Variants in NUP58 observed in about 807,000 individuals in gnomAD.
The protein encoded by NUP58 is nucleoporin 58.
Under a neutral mutation model 70.1 loss-of-function variants are expected in NUP58, and 17 were observed. The ratio of observed to expected loss-of-function variants is 0.24; its 90% CI spans 0.17 to 0.36. The LOEUF (loss-of-function observed/expected upper bound fraction) is 0.36, where lower values mean the gene tolerates loss of function less well. Among genes scored for constraint, NUP58 ranks in the 10% least tolerant of loss-of-function variants. The pLI is 1.00. For missense variants in NUP58, 644 were observed against 701.5 expected, an observed-to-expected ratio of 0.92 and a Z score of 0.93; for synonymous variants, 275 against 257.6, an observed-to-expected ratio of 1.07 and a Z score of -0.65.
Position 25,320,563 on chromosome 13 carries a change from T to C in NUP58, c.744T>C (p.Pro248=), listed in dbSNP as rs149094964. The change falls in exon 8 of 16, where the codon CCT becomes CCC. Residue 248 remains proline (P), a synonymous_variant. Coordinates refer to ENST00000381736, the MANE Select transcript of NUP58 (RefSeq NM_014089.4). ...DSKALKDENL[P]PVICQDVENL... ...AAGCTCTGAAGGATGAAAATCTACCTCCTGTCATCTGCCAGGATGTTGAAA... is the reference window on the plus strand; with the variant it reads ...AAGCTCTGAAGGATGAAAATCTACCCCCTGTCATCTGCCAGGATGTTGAAA... 134 of 1,610,680 alleles carry C rather than the reference T, an allele frequency of 8.3e-5. 1 individual carries two copies. Among genetic ancestry groups the C allele is most frequent in the Middle Eastern group, 8.3e-4 (5 of 6,054 alleles).
chr13:25,318,599 A>G (rs1223751743), intron 6 of NUP58, among the ~76,000 whole-genome samples: 1 of 152,226 alleles, frequency 6.6e-6, no homozygotes, highest in African/African-American at 2.4e-5. Flanking sequence ...TGTGCAAATC[A>G]CAAGTAAGCA....
chr13:25,341,560 T>C lies in NUP58; in HGVS notation c.*1426T>C, dbSNP rs2031955658. 2 of 152,742 alleles carry C rather than the reference T, an allele frequency of 1.3e-5. No individual in the cohort carries two copies. The highest frequency in any genetic ancestry group is 4.1e-4 in the South Asian group (2 of 4,828). The allele number at this position is 152,742 out of a possible 1,614,324, so 9.5% of individuals were successfully genotyped here. A position where few individuals can be genotyped will look rare whatever the true frequency, so the allele number is the denominator to read the frequency against. ...ATATTTTAAAAAAGAAAAATATTCT[T>C]TGTAGCAACTGTAAATTCTCCCATT... On this transcript the variant is annotated 3_prime_UTR_variant, in exon 16 of 16. Coordinates refer to ENST00000381736, the MANE Select transcript of NUP58 (RefSeq NM_014089.4).
At chr13:25,316,615 C>T (rs1320542648) in intron 6 of NUP58, among the ~76,000 whole-genome samples, 2 of 152,078 alleles carry the variant, frequency 1.3e-5, no homozygotes, top group Admixed American at 6.6e-5. Flanking sequence ...ACTTAGTTTT[C>T]TCTGTAGCAA....
Position 25,321,146 on chromosome 13 carries a change from C to T in NUP58, c.951+53C>T, listed in dbSNP as rs950908956. The T allele has an allele frequency of 2.7e-6, 4 of 1,456,212 alleles. No homozygotes were observed. The African/African-American group carries it at 5.8e-5, about 21-fold the overall frequency. The allele number at this position is 1,456,212 out of a possible 1,614,324, so 90.2% of individuals were successfully genotyped here. A position where few individuals can be genotyped will look rare whatever the true frequency, so the allele number is the denominator to read the frequency against. On this transcript the variant is annotated intron_variant, in intron 9 of 15. Coordinates refer to ENST00000381736, the MANE Select transcript of NUP58 (RefSeq NM_014089.4). ...TAGGGTTTTTTTGTTTTGTTTTTTC[C>T]AAAATGGAAATAAGGTGTTTTGTTT...
intron 1 of NUP58, among the ~76,000 whole-genome samples, chr13:25,306,451 G>A (rs2030366085): frequency 6.6e-6 from 1 of 150,834 alleles, no homozygotes; most frequent in African/African-American, 2.4e-5. Context: ...CTGTTTTGCA[G>A]ATGAGGAAAT....
chr13:25,308,446 G>T (rs891142537), intron 2 of NUP58, among the ~76,000 whole-genome samples: 1 of 150,744 alleles, frequency 6.6e-6, no homozygotes, highest in Non-Finnish European at 1.5e-5. Context: ...GGGACCACAC[G>T]TGTGCACCAC....
At chr13:25,327,643 A>C (rs7997070) in intron 12 of NUP58, 131 bp downstream of exon 12, 542,317 of 557,210 alleles carry the variant, frequency 0.97, 265,377 homozygotes, top group East Asian at 1. Context: ...GAAAACTACT[A>C]TAATCCATAA....
chr13:25,315,412 T>A lies in NUP58; in HGVS notation c.630T>A (p.Thr210=). The change falls in exon 6 of 16, where the codon ACT becomes ACA. Residue 210 remains threonine, a synonymous_variant. Coordinates refer to ENST00000381736, the MANE Select transcript of NUP58 (RefSeq NM_014089.4). The stretch of plus-strand genomic sequence containing the variant: ...TGGGAACTACAGCAGCTACTTCAAC[T>A]GCAGGCAATGAAGGCCTTGGTGGTA... ...LTLGTTAATS[T]AGNEGLGGID... The A allele has an allele frequency of 6.2e-7, 1 of 1,614,032 alleles. No individual in the cohort carries two copies. Among genetic ancestry groups the A allele is most frequent in the South Asian group, 1.1e-5 (1 of 91,078 alleles).
In NUP58 at chr13:25,333,952, C is replaced by A. The variant is rs561266370; in HGVS notation, c.1435+2394C>A. ...ATGAATATGGGCACAGAGCAAATAG[C>A]TTCTTAGACTGCTGCCTTCTGAAGG... On this transcript the variant is annotated intron_variant, in intron 13 of 15. Transcript: ENST00000381736. 1.8e-4 allele frequency: 179 copies of A among 985,298 alleles called. 2 individuals are homozygous for A. The South Asian group carries it at 7.8e-3, about 43-fold the overall frequency. The allele number at this position is 985,298 out of a possible 1,614,324, so 61.0% of individuals were successfully genotyped here.
intron 13 of NUP58, chr13:25,332,445 A>G (rs2031641757): frequency 2.0e-6 from 2 of 984,038 alleles, no homozygotes; most frequent in African/African-American, 1.7e-5. Context: ...TTTTATTTTA[A>G]TCATTCATAA....
chr13:25,303,861 T>A (rs948272132), intron 1 of NUP58, among the ~76,000 whole-genome samples: 5 of 152,194 alleles, frequency 3.3e-5, no homozygotes, highest in African/African-American at 1.2e-4. Context: ...TAATAACAAT[T>A]TGAATGACTG....
chr13:25,338,893 C>T (rs1013016451), intron 15 of NUP58, 162 bp downstream of exon 15: 4 of 498,994 alleles, frequency 8.0e-6, no homozygotes, highest in African/African-American at 3.9e-5. Context: ...TTTACTTTAT[C>T]TCTCTCATAA....
At chr13:25,306,393 C>CAAA (rs1030000370) in intron 1 of NUP58, among the ~76,000 whole-genome samples, 10 of 55,484 alleles carry the variant, frequency 1.8e-4, no homozygotes, top group East Asian at 5.0e-4. Context: ...GACTCCGTCT[C>CAAA]AAAAAAAAAA....
chr13:25,305,507 C>T (rs1397058431), intron 1 of NUP58, among the ~76,000 whole-genome samples: 1 of 151,980 alleles, frequency 6.6e-6, no homozygotes, highest in East Asian at 1.9e-4. Flanking sequence ...AGCTTACCGC[C>T]CTGCTTTGTC....
rs7988871 is a variant in NUP58 at position 25,341,095 on chromosome 13, T to C, written c.*961T>C. ...TTGCAGTTGTTTGCTTAAAGACTTA[T>C]TGAAATGGTTACTGGCGTAAATACT... On this transcript the variant is annotated 3_prime_UTR_variant, in exon 16 of 16. Coordinates refer to ENST00000381736, the MANE Select transcript of NUP58 (RefSeq NM_014089.4). 13 of 152,294 alleles carry C rather than the reference T, an allele frequency of 8.5e-5. No homozygotes were observed. The highest frequency in any genetic ancestry group is 1.3e-4 in the Non-Finnish European group (9 of 68,024). 9.4% of individuals were successfully genotyped at this position (152,294 alleles called of 1,614,324 possible).
intron 1 of NUP58, among the ~76,000 whole-genome samples, chr13:25,304,899 A>G (rs546941216): frequency 1.1e-4 from 17 of 152,200 alleles, no homozygotes; most frequent in African/African-American, 1.7e-4. Context: ...AACAGTGTCA[A>G]AATAACAATA....
intron 13 of NUP58, chr13:25,332,535 C>T (rs373963920): frequency 1.2e-6 from 1 of 865,880 alleles, no homozygotes; most frequent in Non-Finnish European, 1.3e-6. Flanking sequence ...TTATAATACA[C>T]ACAAAAAAAT....
chr13:25,309,532 GT>G, intron 3 of NUP58: 1 of 373,328 alleles, frequency 2.7e-6, no homozygotes, highest in Non-Finnish European at 4.7e-6. Flanking sequence ...TAATGTGGAA[GT>G]TTATTTCATA....
chr13:25,302,647 A>AT lies in NUP58; in HGVS notation c.107+775dup, dbSNP rs1257388141. ...TGAGAGATTTAAGCTTTAGAACTCA[A>AT]TTTTTTTTAAGATAAAGGTGGAGGG... On this transcript the variant is annotated intron_variant, in intron 1 of 15. Transcript: ENST00000381736. 6.6e-5 allele frequency among the ~76,000 whole-genome samples: 10 copies of AT among 152,194 alleles called. No individual in the cohort carries two copies. In the East Asian group the frequency reaches 1.2e-3, roughly 18 times the overall value.
Sources: allele counts gnomAD v4.1 joint callset (sites outside exome capture counted in the v4.1 genomes callset), GRCh38; gene constraint gnomAD v4.1.1; transcripts MANE v1.5; gene names NCBI Gene and HGNC (gene_info 2026-07-23, HGNC 2026-07-21).